KCNT2: variants seen among roughly 807,000 people sequenced by gnomAD.
KCNT2 encodes the protein potassium channel subfamily T member 2.
KCNT2 carries 67 observed loss-of-function variants against 153.8 expected under a neutral mutation model. The ratio of observed to expected loss-of-function variants is 0.44; its 90% CI spans 0.36 to 0.53. The LOEUF is 0.53. KCNT2 is among the 20% of genes least tolerant of loss of function. The pLI is 0.00. For synonymous variants in KCNT2, 500 were observed against 458.8 expected (o/e 1.09, Z -1.15); for missense variants, 975 against 1,354.8 (o/e 0.72, Z 4.40).
chr1:196,236,776 T>C (rs924048974), intron 26 of KCNT2, among the ~76,000 whole-genome samples: 4 of 151,520 alleles, frequency 2.6e-5, no homozygotes, highest in African/African-American at 9.7e-5. Flanking sequence ...AGGCTGCAAG[T>C]TGAAATGTTG....
intron 16 of KCNT2, 70 bp from the exon 17 acceptor site, chr1:196,334,130 G>A: frequency 1.2e-6 from 1 of 829,036 alleles, no homozygotes; most frequent in Non-Finnish European, 2.0e-6. Flanking sequence ...AAGGTTACAT[G>A]AAATATGAAA....
chr1:196,272,620 A>T (rs749580901), intron 25 of KCNT2, among the ~76,000 whole-genome samples: 1 of 152,022 alleles, frequency 6.6e-6, no homozygotes, highest in Non-Finnish European at 1.5e-5. Flanking sequence ...GCCATCTATC[A>T]ACATAGATGA....
intron 1 of KCNT2, among the ~76,000 whole-genome samples, chr1:196,530,830 A>G (rs1438547837): frequency 2.0e-5 from 3 of 152,120 alleles, no homozygotes; most frequent in African/African-American, 4.8e-5. Context: ...TTTGAATGCT[A>G]TATATGAAGA....
chr1:196,281,040 T>A, intron 24 of KCNT2, 52 bp from the exon 25 acceptor site: 2 of 1,390,610 alleles, frequency 1.4e-6, no homozygotes, highest in Non-Finnish European at 2.0e-6. Context: ...AATAAAAACC[T>A]AGTGGTAACT....
At chr1:196,575,491 A>G (rs1572872755) in intron 1 of KCNT2, among the ~76,000 whole-genome samples, 1 of 152,006 alleles carries the variant, frequency 6.6e-6, no homozygotes, top group African/African-American at 2.4e-5. Context: ...CATTGTTCCA[A>G]TTATAAGAGG....
chr1:196,305,282 T>C lies in KCNT2; in HGVS notation c.2547A>G (p.Gln849=), dbSNP rs1264542737. Residue 849 remains glutamine, a synonymous_variant, in exon 22 of 28, where the codon CAA becomes CAG. Transcript: ENST00000294725. ...LTHPANMRFM[Q]FRAKDCYSLA... ...GAGAGTAACAGTCTTTGGCTCTGAATTGCATGAATCTCATGTTGGCGGGGT... is the reference window on the plus strand; with the variant it reads ...GAGAGTAACAGTCTTTGGCTCTGAACTGCATGAATCTCATGTTGGCGGGGT... 32 of 1,612,860 alleles carry C rather than the reference T, an allele frequency of 2.0e-5. No individual in the cohort carries two copies. The highest frequency in any genetic ancestry group is 1.6e-4 in the Middle Eastern group (1 of 6,072).
chr1:196,406,919 T>C (rs1250955478), intron 12 of KCNT2, among the ~76,000 whole-genome samples: 1 of 151,414 alleles, frequency 6.6e-6, no homozygotes, highest in Non-Finnish European at 1.5e-5. Context: ...TTACCAGAAA[T>C]TTTGGGACTG....
At chr1:196,403,752 TA>T (rs1671608976) in intron 12 of KCNT2, among the ~76,000 whole-genome samples, 1 of 151,640 alleles carries the variant, frequency 6.6e-6, no homozygotes, top group African/African-American at 2.4e-5. Context: ...AAGTCTAGTT[TA>T]TTTTTTTAAA....
intron 12 of KCNT2, among the ~76,000 whole-genome samples, chr1:196,415,294 T>C (rs1388080863): frequency 1.3e-5 from 2 of 151,682 alleles, no homozygotes; most frequent in Admixed American, 6.6e-5. Flanking sequence ...GGAGGAGGAG[T>C]GTCCTTTGAG....
At chr1:196,378,942 CT>C (rs1479535126) in intron 13 of KCNT2, among the ~76,000 whole-genome samples, 1 of 150,664 alleles carries the variant, frequency 6.6e-6, no homozygotes, top group Non-Finnish European at 1.5e-5. Flanking sequence ...GTAATAGACG[CT>C]CTTATTCCCC....
chr1:196,398,838 A>T (rs1671172452), intron 12 of KCNT2, among the ~76,000 whole-genome samples, 167 bp from the exon 13 acceptor site: 1 of 151,700 alleles, frequency 6.6e-6, no homozygotes, highest in African/African-American at 2.4e-5. Context: ...AGAAGAAGGT[A>T]GTAATAGCTA....
intron 5 of KCNT2, among the ~76,000 whole-genome samples, chr1:196,471,563 C>T (rs1289977397): frequency 6.6e-6 from 1 of 151,808 alleles, no homozygotes; most frequent in East Asian, 1.9e-4. Context: ...CAATGATTGT[C>T]CACAAGAAGA....
intron 1 of KCNT2, among the ~76,000 whole-genome samples, chr1:196,511,739 G>T (rs1431258292): frequency 6.6e-6 from 1 of 152,054 alleles, no homozygotes; most frequent in Non-Finnish European, 1.5e-5. Flanking sequence ...ACGGGTCCCT[G>T]ACATCTCTAT....
At position 196,226,720 on chromosome 1, in the gene KCNT2, T is replaced by C. The variant is rs1163636696; in HGVS notation, c.*1504A>G. The C allele has an allele frequency of 6.6e-6, 1 of 152,020 alleles. No individual in the cohort carries two copies. The highest frequency in any genetic ancestry group is 1.5e-5 in the Non-Finnish European group (1 of 67,864). 9.4% of individuals were successfully genotyped at this position (152,020 alleles called of 1,614,324 possible). A position where few individuals can be genotyped will look rare whatever the true frequency, so the allele number is the denominator to read the frequency against. The stretch of plus-strand genomic sequence containing the variant: ...TATTGAGAGTACATTAGAATATCTT[T>C]TCTTTAAAAATTTTATTATCCTTTA... On this transcript the variant is annotated 3_prime_UTR_variant, in exon 28 of 28. Transcript: ENST00000294725.
At chr1:196,311,120 T>A (rs74136509) in intron 21 of KCNT2, among the ~76,000 whole-genome samples, 4,658 of 151,952 alleles carry the variant, frequency 0.031, 216 homozygotes, top group African/African-American at 0.1. Context: ...AGAGCAAATA[T>A]TCTTATTATC....
chr1:196,480,724 C>T (rs887037892), intron 4 of KCNT2, among the ~76,000 whole-genome samples: 9 of 151,476 alleles, frequency 5.9e-5, no homozygotes, highest in African/African-American at 9.7e-5. Flanking sequence ...GGCGTGGTGG[C>T]GGGCGCCTGT....
rs1245191760 is a variant in KCNT2, at chr1:196,333,947, A to C, written c.1897T>G (p.Leu633Val). The change falls in exon 17 of 28, where the codon TTA (leucine) becomes GTA (valine). Residue 633 changes from leucine to valine, a missense_variant. Leu to Val is a conservative substitution (Grantham distance 32, BLOSUM62 1). Transcript: ENST00000294725. Reference protein sequence around the residue: ...EIRRPSIAPVLEVADTSSIQT... With the variant: ...EIRRPSIAPVVEVADTSSIQT... ...ATCGATGATGTATCTGCAACCTCTAAAACAGGAGCAATGCTAGGTCTTCTT... is the reference window on the plus strand; with the variant it reads ...ATCGATGATGTATCTGCAACCTCTACAACAGGAGCAATGCTAGGTCTTCTT... The C allele has an allele frequency of 6.2e-7, 1 of 1,612,618 alleles. No individual in the cohort carries two copies. The highest frequency in any genetic ancestry group is 8.5e-7 in the Non-Finnish European group (1 of 1,179,104).
chr1:196,243,512 T>C (rs1381278061), intron 26 of KCNT2, among the ~76,000 whole-genome samples: 2 of 152,160 alleles, frequency 1.3e-5, no homozygotes, highest in African/African-American at 4.8e-5. Context: ...GGCCACATGG[T>C]GCAGGGAGTC....
intron 17 of KCNT2, among the ~76,000 whole-genome samples, chr1:196,333,146 A>C (rs1343910562): frequency 6.6e-6 from 1 of 150,798 alleles, no homozygotes; most frequent in Non-Finnish European, 1.5e-5. Context: ...GTACACAACC[A>C]ATATAAAGTG....
Sources: allele counts gnomAD v4.1 joint callset (sites outside exome capture counted in the v4.1 genomes callset), GRCh38; gene constraint gnomAD v4.1.1; transcripts MANE v1.5; gene names NCBI Gene and HGNC (gene_info 2026-07-23, HGNC 2026-07-21).